ARHGAP6: variants seen among roughly 807,000 people sequenced by gnomAD.
The protein encoded by ARHGAP6 is rho GTPase-activating protein 6.
In ARHGAP6, 16 loss-of-function variants were observed where a neutral mutation model predicts 55.7. The ratio of observed to expected loss-of-function variants is 0.29; its 90% CI spans 0.19 to 0.44. The LOEUF (loss-of-function observed/expected upper bound fraction) is 0.44, where lower values mean the gene tolerates loss of function less well. Among genes scored for constraint, ARHGAP6 ranks in the 20% least tolerant of loss-of-function variants. The probability of loss-of-function intolerance (pLI) is 1.00; values close to 1 mark genes in which losing one functional copy is unlikely to be tolerated. For synonymous variants in ARHGAP6, 382 were observed against 360.9 expected, an observed-to-expected ratio of 1.06 and a Z score of -0.66; for missense variants, 698 against 808.9, an observed-to-expected ratio of 0.86 and a Z score of 1.66.
At chrX:11,411,183 T>TTATATATATATATATATATATATATATA (rs201875323) in intron 1 of ARHGAP6, among the ~76,000 whole-genome samples, 1 of 31,789 alleles carries the variant, frequency 3.1e-5, no homozygotes, top group Non-Finnish European at 5.8e-5. Flanking sequence ...CAGACATTAT[T>TTATATATATATATATATATATATATATA]TATATATATA....
At chrX:11,164,641 G>C (rs1037251114) in intron 9 of ARHGAP6, among the ~76,000 whole-genome samples, 2 of 111,863 alleles carry the variant, frequency 1.8e-5, no homozygotes, top group African/African-American at 6.5e-5. Flanking sequence ...GCACTAAGCT[G>C]GTCCCCAGTT....
intron 1 of ARHGAP6, among the ~76,000 whole-genome samples, chrX:11,318,181 T>C (rs116797740): frequency 1.4e-4 from 16 of 112,417 alleles, no homozygotes; most frequent in African/African-American, 4.8e-4. Context: ...TCCAGCAATA[T>C]TGCTTTTAAT....
At chrX:11,215,821 ACAGT>A (rs952678155) in intron 2 of ARHGAP6, among the ~76,000 whole-genome samples, 3 of 112,514 alleles carry the variant, frequency 2.7e-5, no homozygotes, top group Non-Finnish European at 3.8e-5. Context: ...CAGGCAGCAG[ACAGT>A]CAGCCCGAGG....
At chrX:11,561,318 T>C (rs1277546935) in intron 1 of ARHGAP6, among the ~76,000 whole-genome samples, 1 of 112,282 alleles carries the variant, frequency 8.9e-6, no homozygotes, top group Non-Finnish European at 1.9e-5. Flanking sequence ...CACCCAGAGA[T>C]ATAAAACTAT....
Position 11,174,566 on chromosome X carries a change from C to CT in ARHGAP6, c.1629+3533dup, listed in dbSNP as rs1209216084. ...CCTTCCTTCCTTCCTTCCTTCCTTC[C>CT]TTCCTTCCTTTCTTTCTTTCTTTCT... On this transcript the variant is annotated intron_variant, in intron 8 of 12. Transcript: ENST00000337414. Among the ~76,000 whole-genome samples, 370 of 77,396 alleles carry CT rather than the reference C, an allele frequency of 4.8e-3. 4 individuals carry two copies. The highest frequency in any genetic ancestry group is 5.3e-3 in the African/African-American group (96 of 18,087). 67.2% of individuals were successfully genotyped at this position (77,396 alleles called of 115,157 possible). A position where few individuals can be genotyped will look rare whatever the true frequency, so the allele number is the denominator to read the frequency against.
At chrX:11,372,824 A>C (rs2049160267) in intron 1 of ARHGAP6, among the ~76,000 whole-genome samples, 2 of 106,803 alleles carry the variant, frequency 1.9e-5, no homozygotes, top group South Asian at 8.5e-4. Context: ...AATTATTGTT[A>C]ACTTAATTGG....
intron 1 of ARHGAP6, among the ~76,000 whole-genome samples, chrX:11,372,068 A>T (rs1374342756): frequency 8.9e-6 from 1 of 112,340 alleles, no homozygotes; most frequent in Non-Finnish European, 1.9e-5. Context: ...TTGATAAAAC[A>T]AAAGGGGAAA....
At chrX:11,148,533 C>G (rs760232532) in intron 10 of ARHGAP6, 2 of 247,092 alleles carry the variant, frequency 8.1e-6, no homozygotes, top group African/African-American at 5.7e-5. Flanking sequence ...CCCGTTAGAC[C>G]CCCAAACCCC....
chrX:11,427,555 T>G (rs747391489), intron 1 of ARHGAP6: 3 of 923,578 alleles, frequency 3.2e-6, no homozygotes, highest in Admixed American at 3.6e-5. Context: ...CACCGCGTAG[T>G]GCAGCTGGGG....
At chrX:11,488,600 G>C (rs1287237615) in intron 1 of ARHGAP6, among the ~76,000 whole-genome samples, 1 of 110,830 alleles carries the variant, frequency 9.0e-6, no homozygotes, top group African/African-American at 3.3e-5. Flanking sequence ...GGTATGGTTA[G>C]GAACCGGGCC....
At chrX:11,607,408 G>A (rs2052048097) in intron 1 of ARHGAP6, among the ~76,000 whole-genome samples, 1 of 111,887 alleles carries the variant, frequency 8.9e-6, no homozygotes, top group African/African-American at 3.2e-5. Context: ...GAAATGAATG[G>A]ATATAAAAGG....
intron 1 of ARHGAP6, among the ~76,000 whole-genome samples, chrX:11,511,278 T>C (rs1163658120): frequency 8.9e-6 from 1 of 112,101 alleles, no homozygotes; most frequent in Non-Finnish European, 1.9e-5. Flanking sequence ...TGCATCCAAA[T>C]ACAGTGATTA....
At chrX:11,187,990 C>T (rs2046407706) in intron 4 of ARHGAP6, among the ~76,000 whole-genome samples, 1 of 111,407 alleles carries the variant, frequency 9.0e-6, no homozygotes, top group Non-Finnish European at 1.9e-5. Context: ...AGTGATCATG[C>T]CACTGCACTC....
At chrX:11,294,586 T>G (rs1463491056) in intron 1 of ARHGAP6, among the ~76,000 whole-genome samples, 1 of 112,327 alleles carries the variant, frequency 8.9e-6, no homozygotes, top group African/African-American at 3.2e-5. Flanking sequence ...TCTTTATCAC[T>G]ACTGTGACTC....
At chrX:11,589,638 CT>C (rs1278752967) in intron 1 of ARHGAP6, among the ~76,000 whole-genome samples, 2 of 110,698 alleles carry the variant, frequency 1.8e-5, no homozygotes, top group African/African-American at 6.6e-5. Context: ...TAGTTACTAT[CT>C]GCTGAAATGC....
At chrX:11,609,127 C>G (rs7057519) in intron 1 of ARHGAP6, among the ~76,000 whole-genome samples, 1,280 of 111,760 alleles carry the variant, frequency 0.011, 20 homozygotes, top group African/African-American at 0.039. Context: ...GACAAGTTCC[C>G]CAACTTCTCC....
chrX:11,351,047 T>TACACACACACACACAC (rs35026703), intron 1 of ARHGAP6, among the ~76,000 whole-genome samples: 1 of 87,966 alleles, frequency 1.1e-5, no homozygotes, highest in Non-Finnish European at 2.3e-5. Context: ...ATATTCAAAT[T>TACACACACACACACAC]ACACACACAC....
At chrX:11,515,661 T>C (rs953110134) in intron 1 of ARHGAP6, among the ~76,000 whole-genome samples, 1 of 112,442 alleles carries the variant, frequency 8.9e-6, no homozygotes, top group Non-Finnish European at 1.9e-5. Flanking sequence ...ACATATTTTT[T>C]ATTAAAAGAA....
At chrX:11,235,846 A>C (rs1410213939) in intron 2 of ARHGAP6, among the ~76,000 whole-genome samples, 1 of 111,692 alleles carries the variant, frequency 9.0e-6, no homozygotes, top group Non-Finnish European at 1.9e-5. Flanking sequence ...CATTTTGGTC[A>C]AAGCCATTCA....
Sources: allele counts gnomAD v4.1 joint callset (sites outside exome capture counted in the v4.1 genomes callset), GRCh38; gene constraint gnomAD v4.1.1; transcripts MANE v1.5; gene names NCBI Gene and HGNC (gene_info 2026-07-23, HGNC 2026-07-21).